Variants in ATG2B observed in about 807,000 individuals in gnomAD.
The protein encoded by ATG2B is autophagy related 2B, also known as autophagy-related protein 2 homolog B.
In ATG2B, 121 loss-of-function variants were observed where a neutral mutation model predicts 241.3. That is an observed-to-expected ratio of 0.50 (90% confidence interval 0.43 to 0.58). ATG2B has a LOEUF of 0.58. Ranked by LOEUF, ATG2B falls within the 20% of genes least tolerant of loss-of-function variation. The probability of loss-of-function intolerance (pLI) is 0.00; values close to 1 mark genes in which losing one functional copy is unlikely to be tolerated. For missense variants in ATG2B, 2,306 were observed against 2,491.6 expected (o/e 0.93, Z 1.59); for synonymous variants, 858 against 876.6 (o/e 0.98, Z 0.37).
rs1886229499 is a variant in ATG2B, at chr14:96,282,653, C to T, written c.*3102G>A. On this transcript the variant is annotated 3_prime_UTR_variant, in exon 42 of 42. Transcript: ENST00000359933. ...TAGAATTCCGCTCCCCTGCTGTCTGCATTCCGGTGGAAGCGGCATGCTGCC... is the reference window on the plus strand; with the variant it reads ...TAGAATTCCGCTCCCCTGCTGTCTGTATTCCGGTGGAAGCGGCATGCTGCC... 6.6e-6 allele frequency: 1 copy of T among 152,280 alleles called. No homozygotes were observed. Among genetic ancestry groups the T allele is most frequent in the South Asian group, 2.1e-4 (1 of 4,838 alleles). The allele number at this position is 152,280 out of a possible 1,614,324, so 9.4% of individuals were successfully genotyped here.
rs768086712 is a variant in ATG2B at position 96,317,854 on chromosome 14, T to G, written c.2881A>C (p.Ile961Leu). ...KSFYEKLYNR[I>L]FNDLLLWEPT... ...TCCCACAGTAGCAAGTCATTAAAGA[T>G]CCTATAAAGACAAAAGTTGAAAAAT... Residue 961 changes from isoleucine (I) to leucine (L), a missense_variant and splice_region_variant, in exon 19 of 42, where the codon ATC (isoleucine) becomes CTC (leucine). By Grantham distance (5) the Ile-to-Leu change is conservative. Transcript: ENST00000359933. 6.3e-7 allele frequency: 1 copy of G among 1,590,772 alleles called. No homozygotes were observed. Among genetic ancestry groups the G allele is most frequent in the Non-Finnish European group, 8.6e-7 (1 of 1,168,130 alleles).
intron 1 of ATG2B, among the ~76,000 whole-genome samples, chr14:96,356,170 CAAAAA>C (rs10712581): frequency 7.7e-6 from 1 of 130,494 alleles, no homozygotes. Flanking sequence ...GAATGCGGCT[CAAAAA>C]AAAAAAAAAA....
chr14:96,356,096 G>A (rs1056002468), intron 1 of ATG2B, among the ~76,000 whole-genome samples: 18 of 151,664 alleles, frequency 1.2e-4, no homozygotes, highest in Admixed American at 9.8e-4. Context: ...GCATAAACCC[G>A]GGAGGCGGAG....
Position 96,355,952 on chromosome 14 carries a change from C to G in ATG2B, c.162+6863G>C, listed in dbSNP as rs1280247560. ...TTTGAGAGGCAGAGGCGGGGGAACA[C>G]AAGATCAGGGGATGGAGACCATCCT... is the stretch of plus-strand genomic sequence containing the variant. On this transcript the variant is annotated intron_variant, in intron 1 of 41. Transcript: ENST00000359933. 2.6e-5 allele frequency among the ~76,000 whole-genome samples: 4 copies of G among 152,050 alleles called. No homozygotes were observed. In the East Asian group the frequency reaches 5.8e-4, roughly 22 times the overall value.
intron 6 of ATG2B, among the ~76,000 whole-genome samples, chr14:96,340,069 T>TA (rs1566731414): frequency 2.7e-4 from 32 of 119,278 alleles, no homozygotes; most frequent in African/African-American, 8.1e-4. Flanking sequence ...ATATGCTATA[T>TA]GTGATATGAT....
At chr14:96,317,894 T>C (rs1887358478) in intron 18 of ATG2B, 39 bp from the exon 19 acceptor site, 1 of 1,397,156 alleles carries the variant, frequency 7.2e-7, no homozygotes, top group African/African-American at 1.4e-5. Flanking sequence ...ACTTAACTCC[T>C]AGTTCAACAG....
At position 96,306,872 on chromosome 14, in the gene ATG2B, C is replaced by T; in HGVS notation, c.4348G>A (p.Asp1450Asn). The part of the protein sequence containing the change: ...KSQIQEPCCS[D>N]LFLFPDESGN... ...CTCTCGTCAGGAAACAGGAAGAGGT[C>T]TGAACAACATGGCTCCTGAATTTGA... The change falls in exon 30 of 42, where the codon GAC (aspartate) becomes AAC (asparagine). Residue 1450 changes from aspartate to asparagine, a missense_variant. Asp to Asn is a conservative substitution (Grantham distance 23). Coordinates refer to ENST00000359933, the MANE Select transcript of ATG2B (RefSeq NM_018036.7). The T allele has an allele frequency of 6.2e-7, 1 of 1,614,010 alleles. No homozygotes were observed. Among genetic ancestry groups the T allele is most frequent in the Non-Finnish European group, 8.5e-7 (1 of 1,179,998 alleles).
Position 96,332,696 on chromosome 14 carries a change from C to T in ATG2B, c.1208-41G>A, listed in dbSNP as rs751493179. The T allele has an allele frequency of 3.4e-6, 5 of 1,461,100 alleles. No homozygotes were observed. In the South Asian group the frequency reaches 4.7e-5, roughly 14 times the overall value. 90.5% of individuals were successfully genotyped at this position (1,461,100 alleles called of 1,614,324 possible). A position where few individuals can be genotyped will look rare whatever the true frequency, so the allele number is the denominator to read the frequency against. ...CTATGTCACTTGTATTATAATCCCA[C>T]CAATTCAAGTCTTTTAAGTAAGTTA... On this transcript the variant is annotated intron_variant, in intron 8 of 41. Coordinates refer to ENST00000359933, the MANE Select transcript of ATG2B (RefSeq NM_018036.7).
intron 36 of ATG2B, 59 bp from the exon 37 acceptor site, chr14:96,292,157 G>T: frequency 9.4e-7 from 1 of 1,063,642 alleles, no homozygotes. Context: ...GGTGAAATTA[G>T]ATATAAATTA....
chr14:96,359,217 C>T lies in ATG2B; in HGVS notation c.162+3598G>A, dbSNP rs528931535. Among the ~76,000 whole-genome samples, 25 of 151,952 alleles carry T rather than the reference C, an allele frequency of 1.6e-4. 1 individual carries two copies. The South Asian group carries it at 4.4e-3, about 27-fold the overall frequency. ...CGAAATCCCGTCTCTACAAAAAATA[C>T]AAAAAGTAGCCAGGTGTGGTGGCAT... On this transcript the variant is annotated intron_variant, in intron 1 of 41. Transcript: ENST00000359933.
At chr14:96,311,014 C>T (rs1296299059) in intron 28 of ATG2B, 103 bp downstream of exon 28, 10 of 1,085,422 alleles carry the variant, frequency 9.2e-6, no homozygotes, top group Non-Finnish European at 1.1e-5. Flanking sequence ...AGATGAATGA[C>T]TTTCAAAGTT....
chr14:96,330,148 G>A (rs556985610), intron 11 of ATG2B, among the ~76,000 whole-genome samples: 1 of 150,872 alleles, frequency 6.6e-6, no homozygotes, highest in African/African-American at 2.4e-5. Flanking sequence ...TCAGGACTTC[G>A]AGACCAGCCT....
At chr14:96,323,812 AT>A in intron 16 of ATG2B, 83 bp downstream of exon 16, 1 of 908,476 alleles carries the variant, frequency 1.1e-6, no homozygotes, top group South Asian at 1.5e-5. Context: ...TTTAGCTTAT[AT>A]TTAATAGACA....
At chr14:96,352,017 A>C (rs922281242) in intron 1 of ATG2B, among the ~76,000 whole-genome samples, 1 of 152,220 alleles carries the variant, frequency 6.6e-6, no homozygotes, top group African/African-American at 2.4e-5. Flanking sequence ...CCAGAAGAAA[A>C]GTAACACTTA....
intron 1 of ATG2B, among the ~76,000 whole-genome samples, chr14:96,356,797 G>A (rs1888487338): frequency 1.3e-5 from 2 of 152,090 alleles, no homozygotes. Context: ...AGAAAGACAG[G>A]TTTCAAACCT....
chr14:96,306,014 C>A (rs936383698), intron 30 of ATG2B, among the ~76,000 whole-genome samples, 199 bp from the exon 31 acceptor site: 3 of 152,186 alleles, frequency 2.0e-5, no homozygotes, highest in Admixed American at 6.5e-5. Context: ...CTTTGTTCTA[C>A]GTAAACCACT....
chr14:96,345,868 C>T, intron 2 of ATG2B, among the ~76,000 whole-genome samples: 1 of 152,074 alleles, frequency 6.6e-6, no homozygotes, highest in Non-Finnish European at 1.5e-5. Context: ...TGGCTGTGTT[C>T]CAATAAAACT....
rs1340990080 is a variant in ATG2B, at chr14:96,281,337, A to G, written c.*4418T>C. 6.6e-6 allele frequency: 1 copy of G among 152,252 alleles called. No individual in the cohort carries two copies. The highest frequency in any genetic ancestry group is 1.5e-5 in the Non-Finnish European group (1 of 68,038). The allele number at this position is 152,252 out of a possible 1,614,324, so 9.4% of individuals were successfully genotyped here. On this transcript the variant is annotated 3_prime_UTR_variant, in exon 42 of 42. Coordinates refer to ENST00000359933, the MANE Select transcript of ATG2B (RefSeq NM_018036.7). ...ATTTAAATAGTCACATTAACAAGGTACATTTCCACAAAAATATTTGTACAG... is the reference window on the plus strand; with the variant it reads ...ATTTAAATAGTCACATTAACAAGGTGCATTTCCACAAAAATATTTGTACAG...
chr14:96,343,494 T>A (rs1259270439), intron 4 of ATG2B, among the ~76,000 whole-genome samples: 1 of 152,186 alleles, frequency 6.6e-6, no homozygotes, highest in Non-Finnish European at 1.5e-5. Context: ...AAGGGGTTTT[T>A]TCAAGTGTTA....
Sources: gnomAD v4.1 joint callset for allele counts (sites outside exome capture counted in the v4.1 genomes callset) on GRCh38, gnomAD v4.1.1 for gene constraint, MANE v1.5 for transcripts, NCBI Gene and HGNC (gene_info 2026-07-23, HGNC 2026-07-21) for gene names.